NAALADL2: variants seen among roughly 807,000 people sequenced by gnomAD.
The protein encoded by NAALADL2 is inactive N-acetylated-alpha-linked acidic dipeptidase-like protein 2.
A neutral mutation model predicts 87.2 loss-of-function variants in NAALADL2; 76 were observed. That is an observed-to-expected ratio of 0.87 (90% CI 0.72 to 1.05). The LOEUF is 1.05. NAALADL2 is among the 50% of genes least tolerant of loss of function. The probability of loss-of-function intolerance (pLI) is 0.00; values close to 1 mark genes in which losing one functional copy is unlikely to be tolerated. For missense variants in NAALADL2, 1,089 were observed against 945.8 expected (o/e 1.15, Z -1.99); for synonymous variants, 354 against 331.0 (o/e 1.07, Z -0.75).
intron 1 of NAALADL2, among the ~76,000 whole-genome samples, chr3:175,069,561 G>T (rs1215023843): frequency 1.3e-5 from 2 of 150,254 alleles, no homozygotes; most frequent in Admixed American, 6.6e-5. Context: ...TACAGTGTTG[G>T]TGGGACTGTA....
intron 4 of NAALADL2, among the ~76,000 whole-genome samples, chr3:175,264,274 A>G (rs1324316031): frequency 1.3e-5 from 2 of 151,936 alleles, no homozygotes; most frequent in Admixed American, 6.6e-5. Flanking sequence ...CATTGATGAC[A>G]AAAATACTCT....
At chr3:175,583,149 G>A (rs2149579683) in intron 10 of NAALADL2, among the ~76,000 whole-genome samples, 1 of 152,188 alleles carries the variant, frequency 6.6e-6, no homozygotes, top group South Asian at 2.1e-4. Flanking sequence ...TAAATTACAT[G>A]ATATATTCAA....
At chr3:174,984,268 T>C (rs944881628) in intron 1 of NAALADL2, among the ~76,000 whole-genome samples, 61 of 152,342 alleles carry the variant, frequency 4.0e-4, no homozygotes, top group Non-Finnish European at 4.6e-4. Context: ...GCAATTTACA[T>C]TGAAAAATTG....
intron 2 of NAALADL2, among the ~76,000 whole-genome samples, chr3:175,122,903 T>C (rs1009402451): frequency 2.0e-5 from 3 of 151,858 alleles, no homozygotes; most frequent in Non-Finnish European, 4.4e-5. Flanking sequence ...CCTTCTTGCT[T>C]CATTATTTTA....
intron 1 of NAALADL2, among the ~76,000 whole-genome samples, chr3:174,914,652 A>T (rs1181183240): frequency 2.6e-5 from 4 of 152,220 alleles, no homozygotes; most frequent in African/African-American, 9.6e-5. Flanking sequence ...TTTCTCAATA[A>T]TCACAGACAT....
At chr3:175,751,772 C>A (rs1194692733) in intron 12 of NAALADL2, among the ~76,000 whole-genome samples, 3 of 151,984 alleles carry the variant, frequency 2.0e-5, no homozygotes, top group Non-Finnish European at 4.4e-5. Flanking sequence ...ATTTTTTAAA[C>A]CCGTACTATG....
intron 2 of NAALADL2, among the ~76,000 whole-genome samples, chr3:175,116,442 G>C (rs1560047236): frequency 2.6e-5 from 4 of 151,272 alleles, no homozygotes. Flanking sequence ...ACCAATAACA[G>C]ACAAACAGAG....
At chr3:175,214,654 G>T (rs1742244760) in intron 2 of NAALADL2, among the ~76,000 whole-genome samples, 2 of 151,962 alleles carry the variant, frequency 1.3e-5, no homozygotes, top group South Asian at 2.1e-4. Context: ...ATATTATTGT[G>T]CTGTTAGAAC....
At chr3:175,695,841 G>T (rs1161528345) in intron 11 of NAALADL2, among the ~76,000 whole-genome samples, 1 of 152,042 alleles carries the variant, frequency 6.6e-6, no homozygotes, top group Non-Finnish European at 1.5e-5. Context: ...ACTCTAGATG[G>T]TGATACGGTT....
intron 2 of NAALADL2, among the ~76,000 whole-genome samples, chr3:174,598,964 A>G (rs998952543): frequency 1.3e-5 from 2 of 152,138 alleles, no homozygotes; most frequent in Non-Finnish European, 2.9e-5. Context: ...ATGCAGATGT[A>G]TGGTAACAGC....
chr3:174,799,393 T>C (rs921915629), intron 3 of NAALADL2, among the ~76,000 whole-genome samples: 4 of 152,028 alleles, frequency 2.6e-5, no homozygotes, highest in African/African-American at 9.7e-5. Flanking sequence ...AGAAGGTCTT[T>C]CTCGTGCTGT....
chr3:174,638,522 C>T (rs924435617), intron 2 of NAALADL2, among the ~76,000 whole-genome samples: 4 of 151,624 alleles, frequency 2.6e-5, no homozygotes, highest in African/African-American at 9.7e-5. Context: ...GCCTTTTGCA[C>T]ATAGAAAATA....
At chr3:174,548,770 G>A (rs1051287561) in intron 1 of NAALADL2, among the ~76,000 whole-genome samples, 3 of 152,060 alleles carry the variant, frequency 2.0e-5, no homozygotes, top group African/African-American at 4.8e-5. Context: ...TACCTGAGTC[G>A]ACTCTCCCAT....
chr3:174,734,686 C>T (rs957197225), intron 2 of NAALADL2, among the ~76,000 whole-genome samples: 9 of 152,248 alleles, frequency 5.9e-5, no homozygotes, highest in African/African-American at 2.2e-4. Flanking sequence ...TTAGGTTATC[C>T]TCATCAAGCA....
At chr3:175,310,693 A>G (rs938509661) in intron 4 of NAALADL2, among the ~76,000 whole-genome samples, 1 of 151,956 alleles carries the variant, frequency 6.6e-6, no homozygotes, top group African/African-American at 2.4e-5. Flanking sequence ...CAATGAAAAA[A>G]AAATCTATAA....
chr3:174,786,399 C>T (rs890579222), intron 3 of NAALADL2, among the ~76,000 whole-genome samples: 10 of 144,718 alleles, frequency 6.9e-5, no homozygotes, highest in African/African-American at 7.7e-5. Context: ...TGCAGTGAGC[C>T]GAGATCACAC....
rs755034163 is a variant in NAALADL2 at position 175,755,400 on chromosome 3, C to T, written c.2171C>T (p.Ala724Val). The change falls in exon 13 of 14, where the codon GCA becomes GTA. Residue 724 changes from alanine (A) to valine (V), a missense_variant. Physicochemically the swap from Ala to Val is moderately conservative, Grantham distance 64. Coordinates refer to ENST00000454872, the MANE Select transcript of NAALADL2 (RefSeq NM_207015.3). ...GAGAAAAGCTTTCTGGTAAAGCAGG[C>T]ACCACCAGGTTTTTATAGGTAGGAT... ...DMEKSFLVKQ[A>V]PPGFYRNILY... The T allele has an allele frequency of 2.5e-6, 4 of 1,599,128 alleles. No individual in the cohort carries two copies. Among genetic ancestry groups the T allele is most frequent in the South Asian group, 2.2e-5 (2 of 88,976 alleles).
chr3:175,311,628 C>A (rs1758374280), intron 4 of NAALADL2, among the ~76,000 whole-genome samples: 1 of 151,290 alleles, frequency 6.6e-6, no homozygotes, highest in South Asian at 2.1e-4. Context: ...TCTTCCCTCC[C>A]TCCCTTTATC....
chr3:175,280,578 G>T (rs1754161737), intron 4 of NAALADL2, among the ~76,000 whole-genome samples: 2 of 152,068 alleles, frequency 1.3e-5, no homozygotes, highest in African/African-American at 4.8e-5. Flanking sequence ...GCTGCTTGAA[G>T]TACATATTGT....
Sources: allele counts gnomAD v4.1 joint callset (sites outside exome capture counted in the v4.1 genomes callset), GRCh38; gene constraint gnomAD v4.1.1; transcripts MANE v1.5; gene names NCBI Gene and HGNC (gene_info 2026-07-23, HGNC 2026-07-21).